The following CDC42BPA variants were observed in gnomAD, a reference collection of about 807,000 sequenced individuals.
The protein encoded by CDC42BPA is serine/threonine-protein kinase MRCK alpha.
Under a neutral mutation model 223.5 loss-of-function variants are expected in CDC42BPA, and 80 were observed. The observed-to-expected ratio is 0.36, with a 90% CI of 0.30 to 0.43. The LOEUF (loss-of-function observed/expected upper bound fraction) is 0.43. Ranked by LOEUF, CDC42BPA falls within the 20% of genes least tolerant of loss-of-function variation. CDC42BPA has a pLI of 1.00. For missense variants in CDC42BPA, 1,743 were observed against 2,099.9 expected, an observed-to-expected ratio of 0.83 and a Z score of 3.32; for synonymous variants, 694 against 718.6, an observed-to-expected ratio of 0.97 and a Z score of 0.55.
intron 16 of CDC42BPA, among the ~76,000 whole-genome samples, chr1:227,086,024 G>T (rs1476264237): frequency 6.6e-6 from 1 of 152,114 alleles, no homozygotes; most frequent in Non-Finnish European, 1.5e-5. Flanking sequence ...AGGCATCACT[G>T]ACCTGCTTTC....
intron 34 of CDC42BPA, among the ~76,000 whole-genome samples, chr1:227,012,556 A>G (rs1463777163): frequency 6.6e-6 from 1 of 152,190 alleles, no homozygotes; most frequent in Admixed American, 6.5e-5. Context: ...AAGACATACA[A>G]TAAACTTTCT....
intron 6 of CDC42BPA, among the ~76,000 whole-genome samples, chr1:227,156,220 G>A (rs1293667085): frequency 6.6e-6 from 1 of 151,544 alleles, no homozygotes; most frequent in African/African-American, 2.4e-5. Context: ...GCACCATCAC[G>A]GTCACTGCAG....
At chr1:227,242,466 C>T (rs775336356) in intron 2 of CDC42BPA, among the ~76,000 whole-genome samples, 27 of 151,942 alleles carry the variant, frequency 1.8e-4, no homozygotes, top group Admixed American at 9.2e-4. Context: ...AGAACAAATG[C>T]TATCATTAAT....
At chr1:227,268,587 T>A (rs941985626) in intron 1 of CDC42BPA, among the ~76,000 whole-genome samples, 2 of 122,234 alleles carry the variant, frequency 1.6e-5, no homozygotes, top group Non-Finnish European at 3.4e-5. Flanking sequence ...TATATATATA[T>A]GTGTATATAT....
intron 11 of CDC42BPA, among the ~76,000 whole-genome samples, chr1:227,121,073 C>T (rs1395106028): frequency 1.3e-5 from 2 of 152,166 alleles, no homozygotes; most frequent in Admixed American, 6.5e-5. Flanking sequence ...CTGCCATTCA[C>T]CTCCTGCTGT....
chr1:227,270,928 A>G (rs1309394152), intron 1 of CDC42BPA, among the ~76,000 whole-genome samples: 2 of 152,198 alleles, frequency 1.3e-5, no homozygotes, highest in African/African-American at 4.8e-5. Flanking sequence ...TTATGGCTAA[A>G]TAATACTCCA....
chr1:227,317,363 G>A lies in CDC42BPA; in HGVS notation c.-181C>T, dbSNP rs1694571726. On this transcript the variant is annotated 5_prime_UTR_variant, in exon 1 of 37. In the 5' UTR this introduces an upstream ATG that the reference lacks. Transcript: ENST00000366766. ...ACCAGTAACCTCACTTAACTGAAGC[G>A]TCTTCAATTTCACCCATATACATAT... is the stretch of plus-strand genomic sequence containing the variant. 1.8e-6 allele frequency: 1 copy of A among 559,136 alleles called. No individual in the cohort carries two copies. Among genetic ancestry groups the A allele is most frequent in the South Asian group, 3.2e-5 (1 of 30,960 alleles). The allele number at this position is 559,136 out of a possible 1,614,324, so 34.6% of individuals were successfully genotyped here.
chr1:227,260,651 A>T (rs560603358), intron 1 of CDC42BPA, among the ~76,000 whole-genome samples: 1 of 151,284 alleles, frequency 6.6e-6, no homozygotes, highest in East Asian at 1.9e-4. Flanking sequence ...AAGGAGTAAG[A>T]TAAGGCCTGG....
chr1:227,164,409 T>C (rs564971292), intron 5 of CDC42BPA, among the ~76,000 whole-genome samples: 1 of 152,348 alleles, frequency 6.6e-6, no homozygotes, highest in East Asian at 1.9e-4. Context: ...ACTAAACCTA[T>C]AAGTCTTTTT....
At chr1:227,251,394 A>C (rs1189234330) in intron 2 of CDC42BPA, among the ~76,000 whole-genome samples, 1 of 152,178 alleles carries the variant, frequency 6.6e-6, no homozygotes. Context: ...AATGAGAGAA[A>C]AACAACACAA....
At chr1:227,055,190 C>G (rs955299251) in intron 21 of CDC42BPA, among the ~76,000 whole-genome samples, 2 of 151,646 alleles carry the variant, frequency 1.3e-5, no homozygotes, top group Non-Finnish European at 2.9e-5. Flanking sequence ...AAAAAATGTC[C>G]AGGCCTTTTA....
chr1:227,061,534 C>T (rs563006733), intron 21 of CDC42BPA, among the ~76,000 whole-genome samples: 2 of 151,394 alleles, frequency 1.3e-5, no homozygotes, highest in East Asian at 3.9e-4. Context: ...TATACAAATG[C>T]CGTCTGTATT....
intron 22 of CDC42BPA, among the ~76,000 whole-genome samples, chr1:227,048,753 GAAAAAA>G (rs34655609): frequency 8.9e-6 from 1 of 112,554 alleles, no homozygotes; most frequent in Non-Finnish European, 1.8e-5. Flanking sequence ...AAAGTAGTGA[GAAAAAA>G]AAAAAAAAAA....
chr1:227,052,464 A>C (rs926750047), intron 21 of CDC42BPA, among the ~76,000 whole-genome samples: 15 of 152,208 alleles, frequency 9.9e-5, no homozygotes, highest in Non-Finnish European at 4.4e-5. Flanking sequence ...ACACTAAAGT[A>C]AGTCTTCCCT....
intron 2 of CDC42BPA, among the ~76,000 whole-genome samples, chr1:227,249,255 A>C (rs1239838122): frequency 6.6e-6 from 1 of 152,192 alleles, no homozygotes; most frequent in East Asian, 1.9e-4. Flanking sequence ...TTTGATCCCT[A>C]TCTCTCACCT....
chr1:227,030,518 G>T (rs755272618), intron 28 of CDC42BPA, 48 bp from the exon 29 acceptor site: 1 of 1,150,828 alleles, frequency 8.7e-7, no homozygotes, highest in Non-Finnish European at 1.3e-6. Context: ...AAAAAACCAT[G>T]TAATGCTAAT....
chr1:227,044,273 A>C (rs1030411473), intron 23 of CDC42BPA, among the ~76,000 whole-genome samples: 1 of 152,194 alleles, frequency 6.6e-6, no homozygotes, highest in African/African-American at 2.4e-5. Flanking sequence ...CATTGCAGAT[A>C]TCTTCCACTA....
At position 227,318,033 on chromosome 1, in the gene CDC42BPA, G is replaced by C. The variant is rs998344835; in HGVS notation, c.-851C>G. ...GAGAAGCGGCTACTTGGCCGCCCGA[G>C]CCCACTCCATGTCGGTGGTCGCTCG... On this transcript the variant is annotated 5_prime_UTR_variant, in exon 1 of 37. Coordinates refer to ENST00000366766, the MANE Select transcript of CDC42BPA (RefSeq NM_001394014.1). 2.8e-6 allele frequency: 1 copy of C among 352,622 alleles called. No homozygotes were observed. The highest frequency in any genetic ancestry group is 2.1e-5 in the African/African-American group (1 of 46,848). The allele number at this position is 352,622 out of a possible 1,614,324, so 21.8% of individuals were successfully genotyped here.
At chr1:227,049,171 AT>A (rs1305246739) in intron 22 of CDC42BPA, among the ~76,000 whole-genome samples, 2 of 152,090 alleles carry the variant, frequency 1.3e-5, no homozygotes, top group African/African-American at 4.8e-5. Context: ...ACAAAAGTTA[AT>A]AAAAAACAAT....
Sources: gnomAD v4.1 joint callset for allele counts (sites outside exome capture counted in the v4.1 genomes callset) on GRCh38, gnomAD v4.1.1 for gene constraint, MANE v1.5 for transcripts, NCBI Gene and HGNC (gene_info 2026-07-23, HGNC 2026-07-21) for gene names.